BRINP3: variants seen among roughly 807,000 people sequenced by gnomAD.
The protein encoded by BRINP3 is BMP/retinoic acid-inducible neural-specific protein 3.
BRINP3 carries 19 observed loss-of-function variants against 71.0 expected under a neutral mutation model. The observed-to-expected ratio is 0.27, with a 90% CI of 0.19 to 0.39. The LOEUF (loss-of-function observed/expected upper bound fraction) is 0.39. Ranked by LOEUF, BRINP3 falls within the 10% of genes least tolerant of loss-of-function variation. BRINP3 has a pLI of 1.00. For synonymous variants in BRINP3, 380 were observed against 337.7 expected (o/e 1.13, Z -1.37); for missense variants, 959 against 940.8 (o/e 1.02, Z -0.25).
chr1:190,244,724 A>T (rs1659427395), intron 4 of BRINP3, among the ~76,000 whole-genome samples: 1 of 152,034 alleles, frequency 6.6e-6, no homozygotes, highest in Admixed American at 6.6e-5. Flanking sequence ...CACACATTTT[A>T]GTTGTTTAAC....
In BRINP3 at chr1:190,448,361, T is replaced by G. The variant is rs1007242599; in HGVS notation, c.236+6294A>C. ...ATACATTGCATGACCGTATTTAAGA[T>G]GTATGTTACATATTTAGTGCACAAA... On this transcript the variant is annotated intron_variant, in intron 2 of 7. Transcript: ENST00000367462. Among the ~76,000 whole-genome samples, 5 of 151,838 alleles carry G rather than the reference T, an allele frequency of 3.3e-5. 1 individual carries two copies. Among genetic ancestry groups the G allele is most frequent in the African/African-American group, 1.2e-4 (5 of 41,518 alleles).
chr1:190,320,229 C>T (rs1384098018), intron 2 of BRINP3, among the ~76,000 whole-genome samples: 1 of 152,000 alleles, frequency 6.6e-6, no homozygotes, highest in Non-Finnish European at 1.5e-5. Flanking sequence ...ATATTAAACA[C>T]TGAAATAAAT....
At chr1:190,180,370 C>T (rs1345206010) in intron 6 of BRINP3, among the ~76,000 whole-genome samples, 1 of 152,034 alleles carries the variant, frequency 6.6e-6, no homozygotes, top group Non-Finnish European at 1.5e-5. Context: ...GTCTTTCTGG[C>T]ACTTTGGGGT....
intron 2 of BRINP3, among the ~76,000 whole-genome samples, chr1:190,378,120 C>T (rs931872278): frequency 1.3e-5 from 2 of 152,040 alleles, no homozygotes; most frequent in Admixed American, 6.6e-5. Flanking sequence ...ACCTCAAAAC[C>T]TACTTCAAAG....
At chr1:190,447,529 C>A (rs1019125298) in intron 2 of BRINP3, among the ~76,000 whole-genome samples, 1 of 146,266 alleles carries the variant, frequency 6.8e-6, no homozygotes, top group Admixed American at 6.9e-5. Flanking sequence ...CACTTTTGCA[C>A]TATATATATA....
At chr1:190,218,409 G>C (rs2102675882) in intron 6 of BRINP3, among the ~76,000 whole-genome samples, 1 of 151,996 alleles carries the variant, frequency 6.6e-6, no homozygotes, top group East Asian at 1.9e-4. Flanking sequence ...AATATACCAT[G>C]ATTTTAAAAT....
rs574893184 is a variant in BRINP3 at position 190,361,484 on chromosome 1, C to A, written c.237-79734G>T. ...GTGGCACTATTTCAGTTCACTGCAA[C>A]CCCCGCCTCCAGGGTTCAACTGATT... On this transcript the variant is annotated intron_variant, in intron 2 of 7. Transcript: ENST00000367462. Among the ~76,000 whole-genome samples, 16 of 152,176 alleles carry A rather than the reference C, an allele frequency of 1.1e-4. No homozygotes were observed. In the South Asian group the frequency reaches 3.3e-3, roughly 32 times the overall value.
intron 6 of BRINP3, among the ~76,000 whole-genome samples, chr1:190,165,822 C>T (rs1421539536): frequency 1.3e-5 from 2 of 152,022 alleles, no homozygotes; most frequent in Non-Finnish European, 2.9e-5. Flanking sequence ...GAAAGACTCA[C>T]GGCAAGAAAA....
chr1:190,360,521 T>C (rs1669071930), intron 2 of BRINP3, among the ~76,000 whole-genome samples: 1 of 152,194 alleles, frequency 6.6e-6, no homozygotes, highest in South Asian at 2.1e-4. Context: ...TGAGAGTGCG[T>C]TACATATGAA....
intron 6 of BRINP3, among the ~76,000 whole-genome samples, chr1:190,169,829 A>C (rs903755640): frequency 1.3e-5 from 2 of 152,076 alleles, no homozygotes; most frequent in African/African-American, 4.8e-5. Context: ...TTCTTTTATA[A>C]TTTATTTAGT....
chr1:190,308,353 G>A (rs1899444), intron 2 of BRINP3, among the ~76,000 whole-genome samples: 90,073 of 151,570 alleles, frequency 0.59, 26,999 homozygotes, highest in Admixed American at 0.69. Context: ...TAATGATTGT[G>A]TAAGTATTGT....
intron 7 of BRINP3, among the ~76,000 whole-genome samples, chr1:190,125,855 G>A (rs979095642): frequency 4.6e-5 from 7 of 151,974 alleles, no homozygotes; most frequent in Non-Finnish European, 1.0e-4. Flanking sequence ...CCATAGGGAA[G>A]AAGCAGGCTC....
rs141541467 is a variant in BRINP3, at chr1:190,447,618, C to G, written c.236+7037G>C. 2.0e-5 allele frequency among the ~76,000 whole-genome samples: 3 copies of G among 146,462 alleles called. No individual in the cohort carries two copies. In the East Asian group the frequency reaches 5.9e-4, roughly 29 times the overall value. ...TCTCCCTATAGCTCTCTCTCTCTCT[C>G]TCTCTATATATATATACTACATATA... On this transcript the variant is annotated intron_variant, in intron 2 of 7. Transcript: ENST00000367462.
At chr1:190,293,754 T>G (rs1235278334) in intron 2 of BRINP3, among the ~76,000 whole-genome samples, 4 of 152,210 alleles carry the variant, frequency 2.6e-5, no homozygotes, top group Non-Finnish European at 4.4e-5. Flanking sequence ...GAATTGATGC[T>G]TTTATCATTA....
intron 2 of BRINP3, among the ~76,000 whole-genome samples, chr1:190,306,996 A>T (rs1014337786): frequency 2.0e-5 from 3 of 152,022 alleles, no homozygotes; most frequent in African/African-American, 7.2e-5. Flanking sequence ...CATTTCCATG[A>T]AACTCGTGTA....
At chr1:190,374,221 T>C (rs994679413) in intron 2 of BRINP3, among the ~76,000 whole-genome samples, 9 of 152,080 alleles carry the variant, frequency 5.9e-5, no homozygotes, top group African/African-American at 2.2e-4. Flanking sequence ...GTGAAGTTTA[T>C]AGGACATAAC....
At chr1:190,313,013 C>T (rs1230124708) in intron 2 of BRINP3, among the ~76,000 whole-genome samples, 2 of 151,788 alleles carry the variant, frequency 1.3e-5, no homozygotes, top group African/African-American at 4.8e-5. Context: ...CTACAAACTA[C>T]ACTGCACAAT....
At chr1:190,119,334 T>C (rs1171767172) in intron 7 of BRINP3, among the ~76,000 whole-genome samples, 2 of 152,112 alleles carry the variant, frequency 1.3e-5, no homozygotes, top group African/African-American at 4.8e-5. Flanking sequence ...TGGAGTGCAG[T>C]GGCACGATCT....
intron 7 of BRINP3, among the ~76,000 whole-genome samples, chr1:190,125,690 C>T (rs74405495): frequency 0.017 from 2,538 of 152,068 alleles, 72 homozygotes; most frequent in African/African-American, 0.056. Context: ...CATCTTCCTT[C>T]CTTTGCATAG....
Sources: allele counts gnomAD v4.1 joint callset (sites outside exome capture counted in the v4.1 genomes callset), GRCh38; gene constraint gnomAD v4.1.1; transcripts MANE v1.5; gene names NCBI Gene and HGNC (gene_info 2026-07-23, HGNC 2026-07-21).